The following NAALADL2 variants were observed in gnomAD, a reference collection of about 807,000 sequenced individuals.
The protein encoded by NAALADL2 is N-acetylated alpha-linked acidic dipeptidase like 2, also known as inactive N-acetylated-alpha-linked acidic dipeptidase-like protein 2.
NAALADL2 carries 76 observed loss-of-function variants against 87.2 expected under a neutral mutation model. The observed-to-expected ratio is 0.87, with a 90% CI of 0.72 to 1.05. NAALADL2 has a LOEUF of 1.05. Among genes scored for constraint, NAALADL2 ranks in the 50% least tolerant of loss-of-function variants. The probability of loss-of-function intolerance (pLI) is 0.00; values close to 1 mark genes in which losing one functional copy is unlikely to be tolerated. For synonymous variants in NAALADL2, 354 were observed against 331.0 expected, an observed-to-expected ratio of 1.07 and a Z score of -0.75; for missense variants, 1,089 against 945.8, an observed-to-expected ratio of 1.15 and a Z score of -1.99.
intron 1 of NAALADL2, among the ~76,000 whole-genome samples, chr3:174,921,123 T>C (rs796130690): frequency 1.3e-5 from 2 of 152,186 alleles, no homozygotes; most frequent in South Asian, 4.1e-4. Context: ...AACAGAGTTA[T>C]GAAATGAGCA....
chr3:175,106,979 G>A (rs970265547), intron 2 of NAALADL2, among the ~76,000 whole-genome samples: 1 of 151,904 alleles, frequency 6.6e-6, no homozygotes, highest in African/African-American at 2.4e-5. Flanking sequence ...TCTAGCTAAC[G>A]AGAGAGAAAG....
intron 2 of NAALADL2, among the ~76,000 whole-genome samples, chr3:174,727,598 A>G (rs1178705893): frequency 6.6e-6 from 1 of 152,106 alleles, no homozygotes; most frequent in African/African-American, 2.4e-5. Flanking sequence ...TCACAGCAAA[A>G]TTCAACAGAA....
intron 4 of NAALADL2, among the ~76,000 whole-genome samples, chr3:175,288,399 G>A (rs933383454): frequency 2.0e-5 from 3 of 152,114 alleles, no homozygotes; most frequent in African/African-American, 4.8e-5. Context: ...GACATACCCA[G>A]ATTGATGTTT....
intron 3 of NAALADL2, among the ~76,000 whole-genome samples, chr3:174,793,467 C>T (rs1037840761): frequency 4.6e-5 from 7 of 151,912 alleles, no homozygotes; most frequent in African/African-American, 1.2e-4. Context: ...TGGTATACAC[C>T]GGAATAGGAG....
intron 10 of NAALADL2, among the ~76,000 whole-genome samples, chr3:175,624,800 A>G (rs180934991): frequency 6.6e-6 from 1 of 152,062 alleles, no homozygotes; most frequent in African/African-American, 2.4e-5. Context: ...ACATATCTGG[A>G]TTAATTGAAA....
intron 1 of NAALADL2, among the ~76,000 whole-genome samples, chr3:175,095,199 T>G (rs1720927724): frequency 6.6e-6 from 1 of 152,026 alleles, no homozygotes. Context: ...GGTATCCTCC[T>G]CTCACACCCT....
intron 1 of NAALADL2, among the ~76,000 whole-genome samples, chr3:174,441,725 C>CTTTT (rs111370736): frequency 1.0e-4 from 14 of 138,224 alleles, no homozygotes; most frequent in Admixed American, 2.8e-4. Context: ...ACATTCTTTG[C>CTTTT]TTTTTTTTTT....
chr3:175,129,995 C>T (rs528738698), intron 2 of NAALADL2, among the ~76,000 whole-genome samples: 1 of 152,272 alleles, frequency 6.6e-6, no homozygotes, highest in Admixed American at 6.5e-5. Context: ...ATGATAATAG[C>T]TATCCTATCA....
At chr3:175,110,742 A>C (rs191214239) in intron 2 of NAALADL2, among the ~76,000 whole-genome samples, 287 of 151,930 alleles carry the variant, frequency 1.9e-3, no homozygotes, top group Non-Finnish European at 2.9e-3. Flanking sequence ...CAGAAAGATA[A>C]ATTTGGGGAT....
intron 1 of NAALADL2, among the ~76,000 whole-genome samples, chr3:175,038,058 C>T (rs1258074753): frequency 6.6e-6 from 1 of 152,048 alleles, no homozygotes; most frequent in African/African-American, 2.4e-5. Flanking sequence ...AATATGACAA[C>T]TTTTTTATTG....
chr3:175,584,660 T>TAGG (rs1720284084), intron 10 of NAALADL2, among the ~76,000 whole-genome samples: 4 of 152,368 alleles, frequency 2.6e-5, no homozygotes, highest in African/African-American at 9.6e-5. Context: ...GCGTAGCCTA[T>TAGG]TCATCCTAGG....
intron 10 of NAALADL2, among the ~76,000 whole-genome samples, chr3:175,594,246 A>C (rs1721940234): frequency 2.0e-5 from 3 of 152,080 alleles, no homozygotes; most frequent in Admixed American, 2.0e-4. Flanking sequence ...GAGAACATGC[A>C]GTCTTTGGTT....
At chr3:175,446,641 G>A (rs1222455912) in intron 5 of NAALADL2, among the ~76,000 whole-genome samples, 1 of 152,138 alleles carries the variant, frequency 6.6e-6, no homozygotes, top group Non-Finnish European at 1.5e-5. Context: ...GAAGGAACAG[G>A]CACCCACACT....
intron 3 of NAALADL2, among the ~76,000 whole-genome samples, chr3:174,787,929 C>CAAACA (rs1003625787): frequency 1.3e-4 from 20 of 151,812 alleles, no homozygotes; most frequent in African/African-American, 4.1e-4. Flanking sequence ...TGTCAAAAAA[C>CAAACA]AAACAAAACA....
intron 13 of NAALADL2, among the ~76,000 whole-genome samples, chr3:175,771,255 C>T (rs1749448569): frequency 6.6e-6 from 1 of 152,088 alleles, no homozygotes; most frequent in Non-Finnish European, 1.5e-5. Context: ...TAGGTGTAGA[C>T]AGGTTCCATT....
At chr3:175,267,026 A>T (rs997824175) in intron 4 of NAALADL2, among the ~76,000 whole-genome samples, 1 of 112,120 alleles carries the variant, frequency 8.9e-6, no homozygotes, top group African/African-American at 3.2e-5. Flanking sequence ...GCTTTAGAGT[A>T]AAACTAGTAA....
Position 175,194,127 on chromosome 3 carries a change from T to C in NAALADL2, c.546-39804T>C, listed in dbSNP as rs547936238. Reference sequence around the variant, plus strand: ...ATTGTGCTTAAAATTTAATACCTCATGTTATAGAAGCAGATGTTATTATAT... The same window carrying C: ...ATTGTGCTTAAAATTTAATACCTCACGTTATAGAAGCAGATGTTATTATAT... On this transcript the variant is annotated intron_variant, in intron 2 of 13. Coordinates refer to ENST00000454872, the MANE Select transcript of NAALADL2 (RefSeq NM_207015.3). 2.6e-5 allele frequency among the ~76,000 whole-genome samples: 4 copies of C among 151,966 alleles called. No homozygotes were observed. The East Asian group carries it at 7.7e-4, about 29-fold the overall frequency.
intron 5 of NAALADL2, among the ~76,000 whole-genome samples, chr3:175,332,029 A>AAAC (rs1415532790): frequency 1.3e-5 from 2 of 152,222 alleles, no homozygotes; most frequent in Non-Finnish European, 2.9e-5. Flanking sequence ...CAAGGAAATT[A>AAAC]AAGACCTCAA....
At position 175,293,324 on chromosome 3, in the gene NAALADL2, C is replaced by G. The variant is rs1277549583; in HGVS notation, c.940-30851C>G. On this transcript the variant is annotated intron_variant, in intron 4 of 13. Coordinates refer to ENST00000454872, the MANE Select transcript of NAALADL2 (RefSeq NM_207015.3). ...CAGCTCTGAGCTTTAGTCACATCTTCTGAATGGTGTGTGTAATATATATTG... is the reference window on the plus strand; with the variant it reads ...CAGCTCTGAGCTTTAGTCACATCTTGTGAATGGTGTGTGTAATATATATTG... Among the ~76,000 whole-genome samples, 8 of 152,044 alleles carry G rather than the reference C, an allele frequency of 5.3e-5. No homozygotes were observed. The East Asian group carries it at 1.5e-3, about 29-fold the overall frequency.
Sources: gnomAD v4.1 joint callset for allele counts (sites outside exome capture counted in the v4.1 genomes callset) on GRCh38, gnomAD v4.1.1 for gene constraint, MANE v1.5 for transcripts, NCBI Gene and HGNC (gene_info 2026-07-23, HGNC 2026-07-21) for gene names.